The following PRMT2 variants were observed in gnomAD, a reference collection of about 807,000 sequenced individuals.
The protein encoded by PRMT2 is protein arginine N-methyltransferase 2.
PRMT2 carries 26 observed loss-of-function variants against 57.6 expected under a neutral mutation model. The ratio of observed to expected loss-of-function variants is 0.45; its 90% CI spans 0.33 to 0.63. The LOEUF (loss-of-function observed/expected upper bound fraction) is 0.63, where lower values mean the gene tolerates loss of function less well. Among genes scored for constraint, PRMT2 ranks in the 20% least tolerant of loss-of-function variants. The pLI, the probability that PRMT2 is intolerant of heterozygous loss-of-function variation, is 0.02. For missense variants in PRMT2, 472 were observed against 564.4 expected, an observed-to-expected ratio of 0.84 and a Z score of 1.66; for synonymous variants, 219 against 220.0, an observed-to-expected ratio of 1.00 and a Z score of 0.04.
chr21:46,652,078 A>C, intron 7 of PRMT2: 8 of 1,584,232 alleles, frequency 5.0e-6, no homozygotes, highest in Non-Finnish European at 6.0e-6. Context: ...GGCAGCTTTC[A>C]GTCAGTGCAG....
rs770314094 is a variant in PRMT2 at position 46,660,942 on chromosome 21, GT to G, written c.941del (p.Val314GlyfsTer6). ...CTILQLDMRT[V>X]QISDLETLRG... Reference sequence around the variant, plus strand: ...TATATTGCAGTTGGACATGAGAACCGTGCAAATTTCTGATCTAGAGGTGAGA... The same window carrying G: ...TATATTGCAGTTGGACATGAGAACCGGCAAATTTCTGATCTAGAGGTGAGA... On this transcript the variant is annotated frameshift_variant, in exon 9 of 12. Transcript: ENST00000355680. LOFTEE classifies it high-confidence loss of function. 1.2e-6 allele frequency: 2 copies of G among 1,612,822 alleles called. No homozygotes were observed. The highest frequency in any genetic ancestry group is 2.2e-5 in the South Asian group (2 of 90,916).
At chr21:46,662,406 A>G (rs1326321774) in intron 10 of PRMT2, among the ~76,000 whole-genome samples, 1 of 151,928 alleles carries the variant, frequency 6.6e-6, no homozygotes, top group Non-Finnish European at 1.5e-5. Flanking sequence ...GGGGTTGGCT[A>G]CCCCGCTCTG....
At position 46,653,186 on chromosome 21, in the gene PRMT2, G is replaced by GT. The variant is rs528423228; in HGVS notation, c.654+3448dup. 5,976 of 985,364 alleles carry GT rather than the reference G, an allele frequency of 6.1e-3. 26 individuals are homozygous for GT. The highest frequency in any genetic ancestry group is 0.02 in the South Asian group (434 of 21,282). The allele number at this position is 985,364 out of a possible 1,614,324, so 61.0% of individuals were successfully genotyped here. A position where few individuals can be genotyped will look rare whatever the true frequency, so the allele number is the denominator to read the frequency against. Reference sequence around the variant, plus strand: ...GAATTTTCTAAGCAAAAGAAACAAAGTAACTGCTGAGGTTAACAAAGATGT... The same window carrying GT: ...GAATTTTCTAAGCAAAAGAAACAAAGTTAACTGCTGAGGTTAACAAAGATGT... On this transcript the variant is annotated intron_variant, in intron 7 of 11. Coordinates refer to ENST00000355680, the MANE Select transcript of PRMT2 (RefSeq NM_206962.4).
In PRMT2 at chr21:46,661,880, C is replaced by G; in HGVS notation, c.1041C>G (p.Phe347Leu). ...TCACGGCCTGGTTTAGCGTCCACTT[C>G]CAGAGCCTGCAGGAGGGGCAGCCGC... is the stretch of plus-strand genomic sequence containing the variant. ...HGFTAWFSVH[F>L]QSLQEGQPPQ... The change falls in exon 10 of 12, where the codon TTC (phenylalanine) becomes TTG (leucine). Residue 347 changes from phenylalanine to leucine, a missense_variant. Physicochemically the swap from Phe to Leu is conservative, Grantham distance 22 (BLOSUM62 0). Around this residue, in one of 2 missense-constraint regions of PRMT2, gnomAD observed 229 missense variants for 217.2 expected, o/e 1.05. Transcript: ENST00000355680. The G allele has an allele frequency of 1.3e-6, 2 of 1,502,210 alleles. No homozygotes were observed. Among genetic ancestry groups the G allele is most frequent in the Non-Finnish European group, 1.8e-6 (2 of 1,118,484 alleles). The allele number at this position is 1,502,210 out of a possible 1,614,324, so 93.1% of individuals were successfully genotyped here. A position where few individuals can be genotyped will look rare whatever the true frequency, so the allele number is the denominator to read the frequency against.
rs1253467773 is a variant in PRMT2, at chr21:46,661,818, C to T, written c.979C>T (p.Arg327Cys). 1.4e-6 allele frequency: 2 copies of T among 1,467,064 alleles called. No homozygotes were observed. The highest frequency in any genetic ancestry group is 2.7e-5 in the East Asian group (1 of 37,270). The allele number at this position is 1,467,064 out of a possible 1,614,324, so 90.9% of individuals were successfully genotyped here. A position where few individuals can be genotyped will look rare whatever the true frequency, so the allele number is the denominator to read the frequency against. Reference sequence around the variant, plus strand: ...GACCCAGACCCTGAGGGGCGAGCTGCGCTTCGACATCAGGAAGGCGGGGAC... The same window carrying T: ...GACCCAGACCCTGAGGGGCGAGCTGTGCTTCGACATCAGGAAGGCGGGGAC... ...SDLETLRGEL[R>C]FDIRKAGTLH... Residue 327 changes from arginine (R) to cysteine (C), a missense_variant, in exon 10 of 12, where the codon CGC becomes TGC. Physicochemically the swap from Arg to Cys is radical, Grantham distance 180 (BLOSUM62 -3). This residue lies in a region of PRMT2 where 229 missense variants were observed against 217.2 expected (regional missense o/e 1.05). Transcript: ENST00000355680.
At chr21:46,651,600 C>T (rs1298027824) in intron 7 of PRMT2, among the ~76,000 whole-genome samples, 3 of 151,988 alleles carry the variant, frequency 2.0e-5, no homozygotes, top group Non-Finnish European at 4.4e-5. Context: ...TGAGGCAGTT[C>T]CGACTTCAGA....
intron 7 of PRMT2, chr21:46,656,790 G>A (rs996587840): frequency 3.9e-5 from 6 of 152,152 alleles, no homozygotes; most frequent in Admixed American, 6.5e-5. Flanking sequence ...CTCTAAAAGC[G>A]TGATCCATAG....
intron 7 of PRMT2, chr21:46,658,532 A>T: frequency 1.3e-6 from 1 of 759,250 alleles, no homozygotes. Context: ...AAATTATGTG[A>T]CTTAAACCCA....
At chr21:46,653,160 C>G in intron 7 of PRMT2, 1 of 985,340 alleles carries the variant, frequency 1.0e-6, no homozygotes, top group Non-Finnish European at 1.2e-6. Flanking sequence ...CACATTATGA[C>G]GAATTTTCTA....
At chr21:46,643,498 A>G (rs2061314457) in intron 3 of PRMT2, 37 bp from the exon 4 acceptor site, 1 of 1,415,288 alleles carries the variant, frequency 7.1e-7, no homozygotes, top group African/African-American at 1.5e-5. Flanking sequence ...AAAAAGCTCC[A>G]GCGTCCTCTC....
chr21:46,643,700 T>C lies in PRMT2; in HGVS notation c.144+61T>C, dbSNP rs559200485. 117 of 1,524,092 alleles carry C rather than the reference T, an allele frequency of 7.7e-5. 2 individuals are homozygous for C. In the South Asian group the frequency reaches 1.4e-3, roughly 18 times the overall value. 94.4% of individuals were successfully genotyped at this position (1,524,092 alleles called of 1,614,324 possible). A position where few individuals can be genotyped will look rare whatever the true frequency, so the allele number is the denominator to read the frequency against. On this transcript the variant is annotated intron_variant, in intron 4 of 11. Coordinates refer to ENST00000355680, the MANE Select transcript of PRMT2 (RefSeq NM_206962.4). Reference sequence around the variant, plus strand: ...CAGCATGTTCAGTGTCAAAAGGAGATAAATTTTGCAGACGTCACACCAAAG... The same window carrying C: ...CAGCATGTTCAGTGTCAAAAGGAGACAAATTTTGCAGACGTCACACCAAAG...
At chr21:46,654,383 C>T (rs540275800) in intron 7 of PRMT2, among the ~76,000 whole-genome samples, 1 of 152,222 alleles carries the variant, frequency 6.6e-6, no homozygotes, top group Non-Finnish European at 1.5e-5. Flanking sequence ...AAAAATTAGA[C>T]ATAGTGGTAA....
At chr21:46,641,719 C>CTGTG (rs34542867) in intron 3 of PRMT2, among the ~76,000 whole-genome samples, 63 of 148,218 alleles carry the variant, frequency 4.3e-4, no homozygotes, top group Admixed American at 1.7e-3. Context: ...AAGAAACAGC[C>CTGTG]TGTGTGTGTG....
rs1194489287 is a variant in PRMT2, at chr21:46,649,219, G to A, written c.490-356G>A. Among the ~76,000 whole-genome samples the A allele has an allele frequency of 6.6e-6, 1 of 152,242 alleles. No individual in the cohort carries two copies. The highest frequency in any genetic ancestry group is 6.5e-5 in the Admixed American group (1 of 15,286). ...GTTTGAAATTGTCTGACAGGCCTCA[G>A]ATGTGGCACAGACCAGCATTGTCAC... On this transcript the variant is annotated intron_variant, in intron 6 of 11. Coordinates refer to ENST00000355680, the MANE Select transcript of PRMT2 (RefSeq NM_206962.4). This position sits in a 1 kb window ranked among gnomAD's most constrained non-coding sequence, Gnocchi z 4.8.
chr21:46,641,123 C>CAAAAAAA (rs55728457), intron 3 of PRMT2, among the ~76,000 whole-genome samples: 1 of 104,604 alleles, frequency 9.6e-6, no homozygotes, highest in Non-Finnish European at 1.8e-5. Context: ...GACCTCATCT[C>CAAAAAAA]AAAAAAAAAA....
intron 8 of PRMT2, chr21:46,659,306 C>T: frequency 9.9e-7 from 1 of 1,009,100 alleles, no homozygotes; most frequent in African/African-American, 1.7e-5. Flanking sequence ...GGCCTGTGTG[C>T]ACCATCTTAG....
chr21:46,659,715 AC>A (rs199699842), intron 8 of PRMT2: 88,818 of 985,262 alleles, frequency 0.09, 4,423 homozygotes, highest in Non-Finnish European at 0.099. Flanking sequence ...CAGGCTGCCC[AC>A]CCCAGTCACT....
rs77889611 is a variant in PRMT2 at position 46,655,552 on chromosome 21, T to G, written c.655-3193T>G. 6.5e-3 allele frequency among the ~76,000 whole-genome samples: 984 copies of G among 152,224 alleles called. 10 individuals are homozygous for G. The highest frequency in any genetic ancestry group is 0.022 in the African/African-American group (905 of 41,538). On this transcript the variant is annotated intron_variant, in intron 7 of 11. Coordinates refer to ENST00000355680, the MANE Select transcript of PRMT2 (RefSeq NM_206962.4). ...ACTAGAAAGGGAAGGAAATTTAACATGACATAGGACATCTACAAAAAAACC... is the reference window on the plus strand; with the variant it reads ...ACTAGAAAGGGAAGGAAATTTAACAGGACATAGGACATCTACAAAAAAACC...
Position 46,652,048 on chromosome 21 carries a change from T to C in PRMT2, c.654+2309T>C, listed in dbSNP as rs762753545. The C allele has an allele frequency of 7.4e-6, 12 of 1,611,018 alleles. No individual in the cohort carries two copies. In the South Asian group the frequency reaches 1.2e-4, roughly 16 times the overall value. On this transcript the variant is annotated intron_variant, in intron 7 of 11. Transcript: ENST00000355680. ...AAGTCTGAAGACAGAGAAGAGTGCA[T>C]GTGCGTTTAGCATAGGAGGGGCAGC... is the stretch of plus-strand genomic sequence containing the variant.
Sources: gnomAD v4.1 joint callset for allele counts (sites outside exome capture counted in the v4.1 genomes callset) on GRCh38, gnomAD v4.1.1 for gene constraint, gnomAD v4.1.1 regional missense constraint, Gnocchi (gnomAD v3.1) non-coding constraint, MANE v1.5 for transcripts, NCBI Gene and HGNC (gene_info 2026-07-23, HGNC 2026-07-21) for gene names.